The following TJP1 variants were observed in gnomAD, a reference collection of about 807,000 sequenced individuals.
The protein encoded by TJP1 is tight junction protein ZO-1.
A neutral mutation model predicts 194.2 loss-of-function variants in TJP1; 43 were observed. The ratio of observed to expected loss-of-function variants is 0.22; its 90% CI spans 0.17 to 0.29. The LOEUF (loss-of-function observed/expected upper bound fraction) is 0.29. TJP1 is among the 10% of genes least tolerant of loss of function. TJP1 has a pLI of 1.00. For missense variants in TJP1, 1,971 were observed against 2,185.7 expected (o/e 0.90, Z 1.96); for synonymous variants, 801 against 779.0 (o/e 1.03, Z -0.47).
At chr15:29,752,746 T>A (rs1366792470) in intron 8 of TJP1, among the ~76,000 whole-genome samples, 1 of 152,212 alleles carries the variant, frequency 6.6e-6, no homozygotes, top group Non-Finnish European at 1.5e-5. Context: ...CAAAAAAGCA[T>A]TTAATAACAT....
intron 2 of TJP1, among the ~76,000 whole-genome samples, chr15:29,882,665 T>A (rs371351325): frequency 6.6e-6 from 1 of 152,218 alleles, no homozygotes; most frequent in East Asian, 1.9e-4. Flanking sequence ...CATCTCCATG[T>A]GTCGGACCGA....
Position 29,708,940 on chromosome 15 carries a change from C to G in TJP1, c.4469G>C (p.Arg1490Pro), listed in dbSNP as rs771168379. 6.2e-7 allele frequency: 1 copy of G among 1,614,052 alleles called. No homozygotes were observed. Among genetic ancestry groups the G allele is most frequent in the Non-Finnish European group, 8.5e-7 (1 of 1,180,014 alleles). Residue 1490 changes from arginine (R) to proline (P), a missense_variant, in exon 25 of 28, where the codon CGA (arginine) becomes CCA (proline). Arg to Pro is a moderately radical substitution (Grantham distance 103). This residue lies in a region of TJP1 where 1,108 missense variants were observed against 1,128.5 expected (regional missense o/e 0.98). Transcript: ENST00000614355. ...GAAAGCTGCCTGAGCAGTATCTTCT[C>G]GGTTTGGTGGTCTGAAAGTTGCTGG... ...NKPATFRPPN[R>P]EDTAQAAFYP...
At chr15:29,834,853 C>A (rs2050972056) in intron 2 of TJP1, among the ~76,000 whole-genome samples, 1 of 152,164 alleles carries the variant, frequency 6.6e-6, no homozygotes, top group Non-Finnish European at 1.5e-5. Flanking sequence ...CCTGTTTTGT[C>A]TTTCTGAAAA....
rs144390506 is a variant in TJP1, at chr15:29,721,879, C to T, written c.2413-1171G>A. On this transcript the variant is annotated intron_variant, in intron 18 of 27. Coordinates refer to ENST00000614355, the MANE Select transcript of TJP1 (RefSeq NM_001330239.4). ...TAGCAAAGACACTGGTGGCACTGTG[C>T]CCCTGCTCTAGTGATCTGTGGAACT... Among the ~76,000 whole-genome samples the T allele has an allele frequency of 1.9e-3, 289 of 152,302 alleles. 4 individuals are homozygous for T. Among genetic ancestry groups the T allele is most frequent in the Middle Eastern group, 6.8e-3 (2 of 294 alleles).
At chr15:29,959,850 T>G (rs1216632546) in intron 1 of TJP1, among the ~76,000 whole-genome samples, 1 of 152,196 alleles carries the variant, frequency 6.6e-6, no homozygotes. Flanking sequence ...AAAATTTTAC[T>G]GATGCCACTT....
chr15:29,839,089 C>T (rs1471024034), intron 2 of TJP1, among the ~76,000 whole-genome samples: 1 of 147,660 alleles, frequency 6.8e-6, no homozygotes, highest in East Asian at 2.1e-4. Context: ...AGCTCCGCCT[C>T]CCGGGTTCAC....
At position 29,745,605 on chromosome 15, in the gene TJP1, A is replaced by G. The variant is rs114129317; in HGVS notation, c.1011-2824T>C. Reference sequence around the variant, plus strand: ...AAAGACTTACATTTGAAACACAGCTATATCAGTAATCTGGTACTAGCCATT... The same window carrying G: ...AAAGACTTACATTTGAAACACAGCTGTATCAGTAATCTGGTACTAGCCATT... On this transcript the variant is annotated intron_variant, in intron 8 of 27. Transcript: ENST00000614355. Among the ~76,000 whole-genome samples the G allele has an allele frequency of 2.7e-3, 413 of 152,314 alleles. 1 individual carries two copies. Among genetic ancestry groups the G allele is most frequent in the African/African-American group, 9.3e-3 (385 of 41,586 alleles).
At chr15:29,919,196 C>T (rs2054279458) in intron 2 of TJP1, among the ~76,000 whole-genome samples, 1 of 152,180 alleles carries the variant, frequency 6.6e-6, no homozygotes, top group East Asian at 1.9e-4. Context: ...AGCTAGAATT[C>T]TGTACCTAAG....
chr15:29,780,812 C>CA (rs1309724371), intron 2 of TJP1, among the ~76,000 whole-genome samples: 1 of 151,452 alleles, frequency 6.6e-6, no homozygotes, highest in Non-Finnish European at 1.5e-5. Context: ...AATATAAGAC[C>CA]AAAAAACATC....
At chr15:29,833,881 A>ATATATTTTTTT (rs1555434000) in intron 2 of TJP1, among the ~76,000 whole-genome samples, 4 of 12,616 alleles carry the variant, frequency 3.2e-4, no homozygotes, top group African/African-American at 1.2e-3. Context: ...ATATATATAT[A>ATATATTTTTTT]TTTTTTTTTT....
intron 2 of TJP1, among the ~76,000 whole-genome samples, chr15:29,784,937 G>A (rs2047605528): frequency 1.3e-5 from 2 of 152,156 alleles, no homozygotes; most frequent in Non-Finnish European, 1.5e-5. Flanking sequence ...AGTAATCAAA[G>A]TTGACAGAGG....
chr15:29,946,596 C>A (rs1430705230), intron 2 of TJP1, among the ~76,000 whole-genome samples: 1 of 152,188 alleles, frequency 6.6e-6, no homozygotes, highest in Non-Finnish European at 1.5e-5. Context: ...ACTCGATGGA[C>A]CCAGGCTGAA....
intron 5 of TJP1, among the ~76,000 whole-genome samples, chr15:29,764,900 G>C (rs998619376): frequency 2.0e-5 from 3 of 152,084 alleles, no homozygotes; most frequent in African/African-American, 4.8e-5. Context: ...CTGGAAGCAG[G>C]GGAGCAGATG....
At chr15:29,736,359 AAG>A (rs2044035343) in intron 11 of TJP1, among the ~76,000 whole-genome samples, 1 of 152,202 alleles carries the variant, frequency 6.6e-6, no homozygotes, top group South Asian at 2.1e-4. Context: ...AAAGACAAGA[AAG>A]TGAACAAAGC....
At chr15:29,705,433 G>T (rs1056370573) in intron 26 of TJP1, 95 bp downstream of exon 26, 19 of 1,248,344 alleles carry the variant, frequency 1.5e-5, no homozygotes, top group Non-Finnish European at 1.6e-5. Flanking sequence ...GAGATAGAGA[G>T]GTGCTGCATT....
intron 2 of TJP1, among the ~76,000 whole-genome samples, chr15:29,850,165 A>G (rs535897057): frequency 1.2e-4 from 18 of 152,272 alleles, no homozygotes; most frequent in African/African-American, 2.9e-4. Flanking sequence ...AATTAACTCA[A>G]AAACGTATGA....
chr15:29,815,425 A>G (rs1215420597), intron 1 of TJP1, among the ~76,000 whole-genome samples: 1 of 152,256 alleles, frequency 6.6e-6, no homozygotes, highest in East Asian at 1.9e-4. Context: ...CAAATATTCC[A>G]GGAGGATCAT....
intron 1 of TJP1, among the ~76,000 whole-genome samples, chr15:29,818,080 G>A (rs1260863485): frequency 2.0e-5 from 3 of 151,544 alleles, no homozygotes; most frequent in African/African-American, 4.8e-5. Flanking sequence ...GTAAATCAGT[G>A]TAACAGTAAA....
At position 29,951,780 on chromosome 15, in the gene TJP1, C is replaced by A. The variant is rs973895524; in HGVS notation, c.306+4452G>T. On this transcript the variant is annotated intron_variant, in intron 2 of 28. Coordinates refer to the TJP1 transcript ENST00000356107. ...ATTGGATCATTGTTTCTATTCACTG[C>A]ACAAAACTTTTTGTAGTATTTTTCT... 3.3e-5 allele frequency among the ~76,000 whole-genome samples: 5 copies of A among 152,124 alleles called. No homozygotes were observed. The South Asian group carries it at 8.3e-4, about 25-fold the overall frequency.
Sources: allele counts gnomAD v4.1 joint callset (sites outside exome capture counted in the v4.1 genomes callset), GRCh38; gene constraint gnomAD v4.1.1; regional missense constraint gnomAD v4.1.1; transcripts MANE v1.5; gene names NCBI Gene and HGNC (gene_info 2026-07-23, HGNC 2026-07-21).